The following KCNK9 variants were observed in gnomAD, a reference collection of about 807,000 sequenced individuals.
KCNK9 encodes potassium two pore domain channel subfamily K member 9, also known as potassium channel subfamily K member 9.
A neutral mutation model predicts 10.8 loss-of-function variants in KCNK9; 1 was observed. The ratio of observed to expected loss-of-function variants is 0.09; its 90% CI spans 0.03 to 0.44. KCNK9 has a LOEUF of 0.44. KCNK9 is among the 20% of genes least tolerant of loss of function. KCNK9 has a pLI of 0.97. For synonymous variants in KCNK9, 231 were observed against 222.7 expected (o/e 1.04, Z -0.33); for missense variants, 303 against 515.0 (o/e 0.59, Z 3.98).
At chr8:139,665,751 C>A (rs1816283112) in intron 1 of KCNK9, among the ~76,000 whole-genome samples, 1 of 152,222 alleles carries the variant, frequency 6.6e-6, no homozygotes, top group Non-Finnish European at 1.5e-5. Flanking sequence ...GCTGTCCAGA[C>A]CAGCCCTTCT....
Position 139,618,191 on chromosome 8 carries a change from G to C in KCNK9, c.*67C>G. On this transcript the variant is annotated 3_prime_UTR_variant, in exon 2 of 2. Transcript: ENST00000520439. The surrounding 1 kb of genome is among the most constrained non-coding windows in gnomAD (Gnocchi z 7.9). Reference sequence around the variant, plus strand: ...ATAATAAATAAATAAGAAAAGACGAGTTGGACCAATGGAAATTAACACCAA... The same window carrying C: ...ATAATAAATAAATAAGAAAAGACGACTTGGACCAATGGAAATTAACACCAA... The C allele has an allele frequency of 6.3e-7, 1 of 1,590,106 alleles. No homozygotes were observed. The highest frequency in any genetic ancestry group is 8.6e-7 in the Non-Finnish European group (1 of 1,158,714).
intron 1 of KCNK9, among the ~76,000 whole-genome samples, chr8:139,696,434 G>A (rs931881211): frequency 3.9e-5 from 6 of 152,234 alleles, no homozygotes; most frequent in African/African-American, 1.4e-4. Context: ...TTTGCAGGAA[G>A]GAGATGGGTC....
intron 1 of KCNK9, among the ~76,000 whole-genome samples, chr8:139,663,638 C>T (rs953274138): frequency 1.1e-4 from 13 of 113,346 alleles, no homozygotes; most frequent in African/African-American, 4.4e-4. Flanking sequence ...GGAACAGACG[C>T]GCGTGCGCAC....
chr8:139,683,969 C>G (rs547128584), intron 1 of KCNK9, among the ~76,000 whole-genome samples: 1 of 152,310 alleles, frequency 6.6e-6, no homozygotes, highest in African/African-American at 2.4e-5. Context: ...CCCTTCTGAC[C>G]TTTGCCCCCT....
intron 1 of KCNK9, among the ~76,000 whole-genome samples, chr8:139,619,988 T>C (rs1292146672): frequency 6.6e-6 from 1 of 152,258 alleles, no homozygotes; most frequent in East Asian, 1.9e-4. Context: ...TTTGAAATTC[T>C]TGATGCAACT....
At chr8:139,699,257 A>G (rs912897015) in intron 1 of KCNK9, among the ~76,000 whole-genome samples, 1 of 152,144 alleles carries the variant, frequency 6.6e-6, no homozygotes, top group African/African-American at 2.4e-5. Context: ...TCGTGGGGAG[A>G]GGCTAAAGCG....
At chr8:139,671,645 G>A (rs567283876) in intron 1 of KCNK9, among the ~76,000 whole-genome samples, 2 of 151,818 alleles carry the variant, frequency 1.3e-5, no homozygotes, top group South Asian at 4.2e-4. Flanking sequence ...AGCCTCCCAA[G>A]TAGCTGGGGT....
intron 1 of KCNK9, among the ~76,000 whole-genome samples, chr8:139,623,508 C>T (rs1004403299): frequency 6.6e-6 from 1 of 152,142 alleles, no homozygotes; most frequent in African/African-American, 2.4e-5. Context: ...CGGATAGAGG[C>T]TGGGGCATGG....
Position 139,702,550 on chromosome 8 carries a change from AG to A in KCNK9, c.283+159del, listed in dbSNP as rs1014441765. On this transcript the variant is annotated intron_variant, in intron 1 of 1. Coordinates refer to ENST00000520439, the MANE Select transcript of KCNK9 (RefSeq NM_001282534.2). This position sits in a 1 kb window ranked among gnomAD's most constrained non-coding sequence, Gnocchi z 7.5. ...AGGGTGAGGCTCGGAGGCGCCGCGG[AG>A]GGGGGGCTCCCTAGAGAGGAGGGGG... Among the ~76,000 whole-genome samples, 2 of 151,806 alleles carry A rather than the reference AG, an allele frequency of 1.3e-5. No homozygotes were observed. The highest frequency in any genetic ancestry group is 2.1e-4 in the South Asian group (1 of 4,778).
At chr8:139,659,811 T>C (rs10109777) in intron 1 of KCNK9, among the ~76,000 whole-genome samples, 66,097 of 151,680 alleles carry the variant, frequency 0.44, 17,672 homozygotes, top group East Asian at 0.86. Context: ...CGTGAGCCAC[T>C]GCACCCGGCC....
chr8:139,682,595 A>G lies in KCNK9; in HGVS notation c.283+20115T>C, dbSNP rs148996415. On this transcript the variant is annotated intron_variant, in intron 1 of 1. Coordinates refer to ENST00000520439, the MANE Select transcript of KCNK9 (RefSeq NM_001282534.2). ...AGAGGGACGGGGTGGAGAGAGGGAC[A>G]GGGCTGAGGGGTAATCAAGAGCTTA... Among the ~76,000 whole-genome samples the G allele has an allele frequency of 4.0e-4, 61 of 152,350 alleles. No homozygotes were observed. The Middle Eastern group carries it at 0.01, about 25-fold the overall frequency.
chr8:139,607,833 A>T (rs998465987), downstream of KCNK9, among the ~76,000 whole-genome samples: 1 of 152,210 alleles, frequency 6.6e-6, no homozygotes, highest in Non-Finnish European at 1.5e-5. Flanking sequence ...CTGTCACTTC[A>T]TCCTCACCAG....
At chr8:139,642,828 G>A (rs1158843211) in intron 1 of KCNK9, among the ~76,000 whole-genome samples, 1 of 152,226 alleles carries the variant, frequency 6.6e-6, no homozygotes, top group Non-Finnish European at 1.5e-5. Flanking sequence ...GAGAGTGGCG[G>A]CCCCCATGGG....
chr8:139,656,815 T>G (rs1003981467), intron 1 of KCNK9, among the ~76,000 whole-genome samples: 2 of 152,110 alleles, frequency 1.3e-5, no homozygotes, highest in South Asian at 4.2e-4. Context: ...AGGGCCTCCC[T>G]GGAGCCACTC....
chr8:139,624,359 T>A (rs1814896791), intron 1 of KCNK9, among the ~76,000 whole-genome samples: 1 of 152,112 alleles, frequency 6.6e-6, no homozygotes, highest in Admixed American at 6.5e-5. Context: ...AGCAGCAGCA[T>A]CCCCAACACC....
At chr8:139,641,736 C>T (rs1815512502) in intron 1 of KCNK9, among the ~76,000 whole-genome samples, 1 of 152,178 alleles carries the variant, frequency 6.6e-6, no homozygotes, top group Non-Finnish European at 1.5e-5. Context: ...CTTGTCCCTG[C>T]CGTGCCCGCT....
intron 1 of KCNK9, among the ~76,000 whole-genome samples, chr8:139,626,165 C>T (rs997475939): frequency 1.7e-4 from 26 of 152,208 alleles, no homozygotes; most frequent in African/African-American, 5.8e-4. Flanking sequence ...AGACCAGCCT[C>T]GCTCCTGCAC....
intron 1 of KCNK9, among the ~76,000 whole-genome samples, chr8:139,678,101 C>T (rs1242655106): frequency 6.6e-6 from 1 of 152,130 alleles, no homozygotes; most frequent in African/African-American, 2.4e-5. Flanking sequence ...CCCACTGGTG[C>T]CAAAGGCTGC....
intron 1 of KCNK9, among the ~76,000 whole-genome samples, chr8:139,659,018 G>GA (rs3837202): frequency 0.23 from 35,699 of 152,198 alleles, 7,147 homozygotes; most frequent in East Asian, 0.66. Flanking sequence ...TGAGTGTGAA[G>GA]CAAAAATTCA....
Sources: allele counts gnomAD v4.1 joint callset (sites outside exome capture counted in the v4.1 genomes callset), GRCh38; gene constraint gnomAD v4.1.1; non-coding constraint Gnocchi (gnomAD v3.1); transcripts MANE v1.5; gene names NCBI Gene and HGNC (gene_info 2026-07-23, HGNC 2026-07-21).